The following ILDR1 variants were observed in gnomAD, a reference collection of about 807,000 sequenced individuals.
ILDR1 encodes immunoglobulin-like domain-containing receptor 1.
ILDR1 carries 56 observed loss-of-function variants against 62.4 expected under a neutral mutation model. The observed-to-expected ratio is 0.90, with a 90% CI of 0.72 to 1.12. The LOEUF is 1.12. ILDR1 is among the 50% of genes most tolerant of loss of function. ILDR1 has a pLI of 0.00. For missense variants in ILDR1, 736 were observed against 710.6 expected, an observed-to-expected ratio of 1.04 and a Z score of -0.41; for synonymous variants, 284 against 277.8, an observed-to-expected ratio of 1.02 and a Z score of -0.22.
At chr3:122,022,643 G>T (rs2071878616), upstream of ILDR1, among the ~76,000 whole-genome samples, 1 of 152,158 alleles carries the variant, frequency 6.6e-6, no homozygotes. Context: ...TAGGCCAGGC[G>T]CAGTGGCTCA....
the ILDR1 span, among the ~76,000 whole-genome samples, chr3:122,040,737 G>GAAAAAAAAAAAAAAAGAA: frequency 8.0e-6 from 1 of 124,816 alleles, no homozygotes. Flanking sequence ...AAAAAAAAAA[G>GAAAAAAAAAAAAAAAGAA]AAAAAAAAAA....
intron 1 of ILDR1, among the ~76,000 whole-genome samples, chr3:122,021,661 C>T (rs933739134): frequency 6.6e-6 from 1 of 152,156 alleles, no homozygotes; most frequent in African/African-American, 2.4e-5. Context: ...ATGGTTGTCA[C>T]CATATCAGAT....
chr3:122,036,113 G>A, the ILDR1 span, among the ~76,000 whole-genome samples: 3 of 152,150 alleles, frequency 2.0e-5, no homozygotes, highest in Non-Finnish European at 2.9e-5. Flanking sequence ...CAAAGAAACT[G>A]GTGGCATTTT....
the ILDR1 span, among the ~76,000 whole-genome samples, chr3:122,045,051 A>G: frequency 6.6e-6 from 1 of 151,894 alleles, no homozygotes; most frequent in Non-Finnish European, 1.5e-5. Context: ...TCTTGTGGGC[A>G]TTTAGTGCTA....
the ILDR1 span, among the ~76,000 whole-genome samples, chr3:122,034,911 G>C: frequency 6.6e-6 from 1 of 152,176 alleles, no homozygotes; most frequent in Non-Finnish European, 1.5e-5. Context: ...ACTGTCATGA[G>C]AACAGGATGG....
At chr3:122,041,065 A>G in the ILDR1 span, among the ~76,000 whole-genome samples, 1 of 152,244 alleles carries the variant, frequency 6.6e-6, no homozygotes, top group Non-Finnish European at 1.5e-5. Context: ...AAAACTCAGC[A>G]ATAGGAAAAT....
intron 1 of ILDR1, among the ~76,000 whole-genome samples, chr3:122,010,599 TTG>T (rs905835437): frequency 2.0e-5 from 3 of 152,146 alleles, no homozygotes; most frequent in African/African-American, 7.2e-5. Flanking sequence ...GACTACCCCT[TTG>T]TGTGTTTTTT....
chr3:121,995,031 T>C (rs569202724), intron 5 of ILDR1, among the ~76,000 whole-genome samples: 31 of 152,274 alleles, frequency 2.0e-4, no homozygotes, highest in African/African-American at 7.5e-4. Flanking sequence ...TATTTCCTTT[T>C]ATGGCAAAGA....
chr3:122,000,300 C>G (rs1199105717), intron 5 of ILDR1, among the ~76,000 whole-genome samples: 9 of 148,804 alleles, frequency 6.0e-5, no homozygotes, highest in Admixed American at 2.0e-4. Context: ...ACCTCCTGAC[C>G]TCTGGAGAGG....
chr3:122,023,889 A>T (rs895595837), upstream of ILDR1, among the ~76,000 whole-genome samples: 1 of 152,084 alleles, frequency 6.6e-6, no homozygotes, highest in Non-Finnish European at 1.5e-5. Flanking sequence ...TGCTCCCAGC[A>T]ACACTGTGTA....
the ILDR1 span, among the ~76,000 whole-genome samples, chr3:122,058,477 C>G: frequency 6.6e-6 from 1 of 152,190 alleles, no homozygotes; most frequent in African/African-American, 2.4e-5. Context: ...CTCAGAGCTA[C>G]TGGGGCTTTT....
chr3:122,035,993 C>T, the ILDR1 span, among the ~76,000 whole-genome samples: 3 of 152,080 alleles, frequency 2.0e-5, no homozygotes, highest in African/African-American at 7.2e-5. Context: ...ATGGTTTTGA[C>T]CAAAATGCTG....
intron 3 of ILDR1, among the ~76,000 whole-genome samples, chr3:122,004,689 G>C (rs142868852): frequency 1.3e-5 from 2 of 152,298 alleles, no homozygotes; most frequent in Non-Finnish European, 2.9e-5. Flanking sequence ...TGAAGAAACA[G>C]AAGCCAAAGA....
At chr3:122,040,982 C>A in the ILDR1 span, among the ~76,000 whole-genome samples, 1 of 152,120 alleles carries the variant, frequency 6.6e-6, no homozygotes, top group Non-Finnish European at 1.5e-5. Flanking sequence ...AAGACACAGA[C>A]TGGGAGAAAA....
At chr3:122,021,392 G>A (rs1005024590) in intron 1 of ILDR1, among the ~76,000 whole-genome samples, 1 of 152,208 alleles carries the variant, frequency 6.6e-6, no homozygotes, top group Non-Finnish European at 1.5e-5. Context: ...CCAAAACAGA[G>A]AGGAGATTGG....
chr3:122,032,211 AT>A, the ILDR1 span, among the ~76,000 whole-genome samples: 7 of 152,194 alleles, frequency 4.6e-5, no homozygotes, highest in Non-Finnish European at 1.0e-4. Flanking sequence ...TAACATTTAT[AT>A]AAAACAACAA....
chr3:122,030,623 T>TTTTTTC, the ILDR1 span, among the ~76,000 whole-genome samples: 61 of 147,636 alleles, frequency 4.1e-4, 2 homozygotes, highest in African/African-American at 1.5e-3. Flanking sequence ...GCAAGGGTTT[T>TTTTTTC]TCTCTCTCTC....
At chr3:122,057,828 C>G in the ILDR1 span, among the ~76,000 whole-genome samples, 150,310 of 152,352 alleles carry the variant, frequency 0.99, 74,177 homozygotes, top group Middle Eastern at 1. Context: ...GAACAGGCTG[C>G]AGCACTCTTC....
intron 1 of ILDR1, among the ~76,000 whole-genome samples, chr3:122,009,364 C>CACAT (rs1202625311): frequency 2.0e-5 from 3 of 151,376 alleles, no homozygotes; most frequent in African/African-American, 7.3e-5. Flanking sequence ...CACACACACA[C>CACAT]AGGCTTTAGA....
Sources: allele counts gnomAD v4.1 joint callset (sites outside exome capture counted in the v4.1 genomes callset), GRCh38; gene constraint gnomAD v4.1.1; transcripts MANE v1.5; gene names NCBI Gene and HGNC (gene_info 2026-07-23, HGNC 2026-07-21).